The following GPC5 variants were observed in gnomAD, a reference collection of about 807,000 sequenced individuals.
GPC5 encodes the protein glypican 5.
GPC5 carries 47 observed loss-of-function variants against 53.9 expected under a neutral mutation model. The observed-to-expected ratio is 0.87, with a 90% CI of 0.69 to 1.11. The LOEUF (loss-of-function observed/expected upper bound fraction) is 1.11, where lower values mean the gene tolerates loss of function less well. Among genes scored for constraint, GPC5 ranks in the 50% most tolerant of loss-of-function variants. The pLI, the probability that GPC5 is intolerant of heterozygous loss-of-function variation, is 0.00. For synonymous variants in GPC5, 286 were observed against 263.3 expected, an observed-to-expected ratio of 1.09 and a Z score of -0.84; for missense variants, 748 against 713.1, an observed-to-expected ratio of 1.05 and a Z score of -0.56.
chr13:92,280,529 A>G (rs1267427152), intron 7 of GPC5, among the ~76,000 whole-genome samples: 2 of 152,162 alleles, frequency 1.3e-5, no homozygotes, highest in Non-Finnish European at 2.9e-5. Flanking sequence ...GCTATATCCC[A>G]TAAGTTTCGT....
At chr13:92,544,062 G>A (rs1882020408) in intron 7 of GPC5, among the ~76,000 whole-genome samples, 1 of 151,722 alleles carries the variant, frequency 6.6e-6, no homozygotes, top group South Asian at 2.1e-4. Context: ...TGTATATTAA[G>A]TAACTGAAGT....
At chr13:92,049,298 A>G (rs1173051060) in intron 6 of GPC5, among the ~76,000 whole-genome samples, 1 of 152,118 alleles carries the variant, frequency 6.6e-6, no homozygotes, top group Non-Finnish European at 1.5e-5. Context: ...AAATGGCTTT[A>G]TTTTTGCCCT....
intron 7 of GPC5, among the ~76,000 whole-genome samples, chr13:92,573,524 T>C (rs1270023871): frequency 6.6e-6 from 1 of 152,214 alleles, no homozygotes; most frequent in East Asian, 1.9e-4. Context: ...CAGCTTTTAA[T>C]TCATTCTTCA....
In GPC5 at chr13:92,692,714, C is replaced by T. The variant is rs1297314129; in HGVS notation, c.1562-173568C>T. ...AAAAAAAACAAAACAAAACAGTGTA[C>T]GTGTGTTCCCTTTCCTCCAAAGCCT... On this transcript the variant is annotated intron_variant, in intron 7 of 7. Coordinates refer to ENST00000377067, the MANE Select transcript of GPC5 (RefSeq NM_004466.6). 4.9e-5 allele frequency among the ~76,000 whole-genome samples: 7 copies of T among 142,992 alleles called. No homozygotes were observed. The South Asian group carries it at 6.7e-4, about 14-fold the overall frequency. 93.8% of individuals were successfully genotyped at this position (142,992 alleles called of 152,430 possible).
chr13:91,787,720 T>A (rs1207243299), intron 5 of GPC5, among the ~76,000 whole-genome samples: 2 of 152,156 alleles, frequency 1.3e-5, no homozygotes, highest in Admixed American at 1.3e-4. Context: ...GGAAATCAAC[T>A]GTGAATAAAT....
At chr13:91,915,305 A>G (rs1291515427) in intron 6 of GPC5, among the ~76,000 whole-genome samples, 1 of 152,198 alleles carries the variant, frequency 6.6e-6, no homozygotes, top group Non-Finnish European at 1.5e-5. Flanking sequence ...GCTTTCTGGA[A>G]TGGGTGGTAT....
At chr13:91,679,772 T>A (rs1204059645) in intron 2 of GPC5, among the ~76,000 whole-genome samples, 1 of 152,212 alleles carries the variant, frequency 6.6e-6, no homozygotes, top group Non-Finnish European at 1.5e-5. Flanking sequence ...GACTGTTAAA[T>A]ATAAACTCTC....
At chr13:92,425,511 G>A (rs1046907639) in intron 7 of GPC5, among the ~76,000 whole-genome samples, 4 of 152,012 alleles carry the variant, frequency 2.6e-5, no homozygotes, top group Admixed American at 6.6e-5. Flanking sequence ...TTAGAGCTAA[G>A]GAAACAAGTG....
chr13:92,705,970 C>T (rs2139260324), intron 7 of GPC5: 1 of 151,956 alleles, frequency 6.6e-6, no homozygotes, highest in East Asian at 1.9e-4. Context: ...CCTGTGTAAT[C>T]CCAACTACTG....
chr13:91,825,093 A>G (rs1463878717), intron 5 of GPC5, among the ~76,000 whole-genome samples: 1 of 151,638 alleles, frequency 6.6e-6, no homozygotes, highest in Non-Finnish European at 1.5e-5. Flanking sequence ...GATTTAACAT[A>G]TATTTGTTTT....
intron 6 of GPC5, among the ~76,000 whole-genome samples, chr13:91,991,052 T>G (rs1272111679): frequency 1.3e-5 from 2 of 152,196 alleles, no homozygotes; most frequent in Non-Finnish European, 2.9e-5. Context: ...ACCTAAGTTG[T>G]GTGTGCATTC....
At chr13:92,343,876 A>T (rs1594115726) in intron 7 of GPC5, among the ~76,000 whole-genome samples, 1 of 152,248 alleles carries the variant, frequency 6.6e-6, no homozygotes, top group East Asian at 1.9e-4. Flanking sequence ...TTCAGGGCAT[A>T]TCTTATTATC....
At chr13:91,838,070 A>C (rs190652496) in intron 5 of GPC5, among the ~76,000 whole-genome samples, 1 of 152,324 alleles carries the variant, frequency 6.6e-6, no homozygotes, top group Admixed American at 6.5e-5. Flanking sequence ...GAGCCCAATC[A>C]TCAGGCATAT....
chr13:92,718,993 G>C (rs1466566957), intron 7 of GPC5, among the ~76,000 whole-genome samples: 1 of 151,790 alleles, frequency 6.6e-6, no homozygotes, highest in Non-Finnish European at 1.5e-5. Flanking sequence ...CATTTAACCT[G>C]ATGTGATTAT....
At chr13:92,216,696 C>T (rs1363245897) in intron 7 of GPC5, among the ~76,000 whole-genome samples, 1 of 152,098 alleles carries the variant, frequency 6.6e-6, no homozygotes, top group Non-Finnish European at 1.5e-5. Context: ...AACTTACCCA[C>T]AAGCCAGGCG....
intron 7 of GPC5, among the ~76,000 whole-genome samples, chr13:92,344,544 G>C (rs1308706709): frequency 6.6e-6 from 1 of 152,126 alleles, no homozygotes; most frequent in African/African-American, 2.4e-5. Context: ...TATGTAAACA[G>C]GCTTATTACT....
At chr13:92,265,172 C>G (rs1296052797) in intron 7 of GPC5, among the ~76,000 whole-genome samples, 1 of 152,024 alleles carries the variant, frequency 6.6e-6, no homozygotes, top group Non-Finnish European at 1.5e-5. Flanking sequence ...TGGCCATACC[C>G]TTAGTATTCT....
chr13:92,564,933 G>A (rs1306205566), intron 7 of GPC5, among the ~76,000 whole-genome samples: 1 of 151,988 alleles, frequency 6.6e-6, no homozygotes, highest in East Asian at 1.9e-4. Flanking sequence ...GAAATAATCA[G>A]ATAAACTTTA....
At chr13:92,433,536 A>G (rs1877181699) in intron 7 of GPC5, among the ~76,000 whole-genome samples, 1 of 152,186 alleles carries the variant, frequency 6.6e-6, no homozygotes, top group Non-Finnish European at 1.5e-5. Flanking sequence ...ATAAGAGTTC[A>G]TGATTCACGT....
Sources: allele counts gnomAD v4.1 joint callset (sites outside exome capture counted in the v4.1 genomes callset), GRCh38; gene constraint gnomAD v4.1.1; transcripts MANE v1.5; gene names NCBI Gene and HGNC (gene_info 2026-07-23, HGNC 2026-07-21).